The following RNF6 variants were observed in gnomAD, a reference collection of about 807,000 sequenced individuals.
RNF6 encodes the protein ring finger protein 6, also known as E3 ubiquitin-protein ligase RNF6.
Under a neutral mutation model 50.1 loss-of-function variants are expected in RNF6, and 21 were observed. The ratio of observed to expected loss-of-function variants is 0.42; its 90% CI spans 0.30 to 0.60. The LOEUF is 0.60. Among genes scored for constraint, RNF6 ranks in the 20% least tolerant of loss-of-function variants. The pLI is 0.20. For synonymous variants in RNF6, 255 were observed against 291.8 expected (o/e 0.87, Z 1.29); for missense variants, 698 against 838.2 (o/e 0.83, Z 2.07).
At chr13:26,221,815 T>C (rs1311425407) in intron 1 of RNF6, 188 bp downstream of exon 1, 1 of 152,272 alleles carries the variant, frequency 6.6e-6, no homozygotes, top group East Asian at 1.9e-4. Flanking sequence ...AACGCTTCCC[T>C]TAGAGACCTA....
intron 5 of RNF6, among the ~76,000 whole-genome samples, chr13:26,187,019 C>T (rs1382481854): frequency 3.3e-5 from 5 of 152,092 alleles, no homozygotes; most frequent in African/African-American, 9.7e-5. Context: ...CTTCGTGATC[C>T]ACCCACCTCG....
At chr13:26,163,513 GTATT>G (rs2137615071) in intron 5 of RNF6, among the ~76,000 whole-genome samples, 1 of 152,204 alleles carries the variant, frequency 6.6e-6, no homozygotes, top group African/African-American at 2.4e-5. Context: ...CTACCTGTAA[GTATT>G]TACATCTAAG....
chr13:26,192,614 T>C (rs1433826647), intron 5 of RNF6, among the ~76,000 whole-genome samples: 1 of 152,230 alleles, frequency 6.6e-6, no homozygotes, highest in African/African-American at 2.4e-5. Flanking sequence ...CTCTATTGCC[T>C]TCTTAGTTTG....
chr13:26,167,292 C>A (rs963708027), intron 5 of RNF6, among the ~76,000 whole-genome samples: 2 of 152,080 alleles, frequency 1.3e-5, no homozygotes, highest in Middle Eastern at 3.2e-3. Context: ...AAAATTTTTG[C>A]AAGCTATGCA....
intron 5 of RNF6, among the ~76,000 whole-genome samples, chr13:26,154,735 C>T (rs985103685): frequency 2.6e-5 from 4 of 152,182 alleles, no homozygotes; most frequent in Admixed American, 6.5e-5. Flanking sequence ...GTAATACTTA[C>T]GACAAAACTC....
chr13:26,184,018 A>ATATATT (rs1335766541), intron 5 of RNF6, among the ~76,000 whole-genome samples: 9 of 33,942 alleles, frequency 2.7e-4, no homozygotes, highest in African/African-American at 8.4e-4. Flanking sequence ...ATATATATAT[A>ATATATT]TTTTTTTTTT....
chr13:26,185,164 T>C (rs764450671), intron 5 of RNF6, among the ~76,000 whole-genome samples: 5 of 151,998 alleles, frequency 3.3e-5, no homozygotes, highest in Admixed American at 6.5e-5. Flanking sequence ...GCCCGGCTAA[T>C]TTTTTCAAAT....
chr13:26,192,924 T>C (rs1868518118), intron 5 of RNF6, among the ~76,000 whole-genome samples: 1 of 152,194 alleles, frequency 6.6e-6, no homozygotes, highest in Non-Finnish European at 1.5e-5. Flanking sequence ...ATAAACGTGG[T>C]ATATTGTAAG....
At chr13:26,208,365 C>G (rs1869191479), downstream of RNF6, among the ~76,000 whole-genome samples, 3 of 152,200 alleles carry the variant, frequency 2.0e-5, no homozygotes, top group South Asian at 6.2e-4. Flanking sequence ...GGCACTGAGT[C>G]TGTCACGAGC....
intron 5 of RNF6, among the ~76,000 whole-genome samples, chr13:26,163,308 T>C (rs1872304903): frequency 6.7e-6 from 1 of 148,554 alleles, no homozygotes; most frequent in Non-Finnish European, 1.5e-5. Flanking sequence ...AGAGACTCCG[T>C]CTCAAAAAAA....
At chr13:26,154,738 C>T (rs1257849210) in intron 5 of RNF6, among the ~76,000 whole-genome samples, 4 of 152,038 alleles carry the variant, frequency 2.6e-5, no homozygotes, top group African/African-American at 9.7e-5. Context: ...ATACTTACGA[C>T]AAAACTCCCG....
Position 26,180,244 on chromosome 13 carries a change from T to C in RNF6, n.768+35230A>G, listed in dbSNP as rs554474445. Among the ~76,000 whole-genome samples, 5 of 152,272 alleles carry C rather than the reference T, an allele frequency of 3.3e-5. No individual in the cohort carries two copies. In the East Asian group the frequency reaches 5.8e-4, roughly 18 times the overall value. ...ATGTACTATTCTTTTTTCCAGAGCA[T>C]GTACACCTATGCTGGGTATGAGGAC... On this transcript the variant is annotated intron_variant and non_coding_transcript_variant, in intron 5 of 5. Transcript: ENST00000468480.
At chr13:26,209,170 GAACCAAGCCCC>G (rs1306198469), downstream of RNF6, among the ~76,000 whole-genome samples, 1 of 151,858 alleles carries the variant, frequency 6.6e-6, no homozygotes, top group African/African-American at 2.4e-5. Flanking sequence ...GGTAGACCCT[GAACCAAGCCCC>G]AACATTGAAA....
intron 5 of RNF6, among the ~76,000 whole-genome samples, chr13:26,134,911 A>T (rs915052850): frequency 2.6e-5 from 4 of 152,178 alleles, no homozygotes; most frequent in African/African-American, 9.7e-5. Flanking sequence ...TAAAAAGATG[A>T]TGTATTACTT....
rs200609619 is a variant in RNF6, at chr13:26,166,255, C to CTG, written n.769-33806_769-33805dup. On this transcript the variant is annotated intron_variant and non_coding_transcript_variant, in intron 5 of 5. Transcript: ENST00000468480. ...GTGGGGCCTCCCCAGCCACATGGAA[C>CTG]TGTAAGTCCAATAAACCTTTTTCTT... is the stretch of plus-strand genomic sequence containing the variant. Among the ~76,000 whole-genome samples the CTG allele has an allele frequency of 9.3e-3, 1,413 of 152,280 alleles. 18 individuals carry two copies. Among genetic ancestry groups the CTG allele is most frequent in the African/African-American group, 0.032 (1,328 of 41,534 alleles).
chr13:26,140,934 C>T (rs1870910169), intron 5 of RNF6, among the ~76,000 whole-genome samples: 1 of 152,130 alleles, frequency 6.6e-6, no homozygotes, highest in Admixed American at 6.6e-5. Context: ...GGTGAAAGAT[C>T]TCTACAAGGA....
At chr13:26,184,443 A>T (rs190738851) in intron 5 of RNF6, among the ~76,000 whole-genome samples, 5 of 152,318 alleles carry the variant, frequency 3.3e-5, no homozygotes, top group Non-Finnish European at 7.4e-5. Flanking sequence ...TTGTATAAAA[A>T]TCTGTTTTAT....
chr13:26,206,016 A>T (rs1869091021), intron 5 of RNF6, among the ~76,000 whole-genome samples: 1 of 152,154 alleles, frequency 6.6e-6, no homozygotes, highest in South Asian at 2.1e-4. Flanking sequence ...GTCTCAAAAA[A>T]TTTTAAAAAA....
At chr13:26,210,981 AAAG>A (rs1184286658), downstream of RNF6, among the ~76,000 whole-genome samples, 8 of 152,360 alleles carry the variant, frequency 5.3e-5, no homozygotes, top group African/African-American at 1.7e-4. Flanking sequence ...GCCACACTAT[AAAG>A]AACAAGCTCT....
Sources: gnomAD v4.1 joint callset for allele counts (sites outside exome capture counted in the v4.1 genomes callset) on GRCh38, gnomAD v4.1.1 for gene constraint, MANE v1.5 for transcripts, NCBI Gene and HGNC (gene_info 2026-07-23, HGNC 2026-07-21) for gene names.